RAE1: variants seen among roughly 807,000 people sequenced by gnomAD.
RAE1 encodes ribonucleic acid export 1.
RAE1 carries 13 observed loss-of-function variants against 52.7 expected under a neutral mutation model. That is an observed-to-expected ratio of 0.25 (90% confidence interval 0.16 to 0.39). The LOEUF is 0.39. Ranked by LOEUF, RAE1 falls within the 10% of genes least tolerant of loss-of-function variation. RAE1 has a pLI of 1.00. For missense variants in RAE1, 262 were observed against 459.8 expected (o/e 0.57, Z 3.93); for synonymous variants, 164 against 153.1 (o/e 1.07, Z -0.52).
At position 57,366,898 on chromosome 20, in the gene RAE1, A is replaced by G. The variant is rs1475536308; in HGVS notation, c.462+5A>G. On this transcript the variant is annotated splice_donor_5th_base_variant and intron_variant, in intron 6 of 11. Coordinates refer to ENST00000395841, the MANE Select transcript of RAE1 (RefSeq NM_003610.4). Reference sequence around the variant, plus strand: ...AGCTGGGATAAGACTTTAAAGGTATAATGTGCAGTTGAGGCATTGTTTGGC... The same window carrying G: ...AGCTGGGATAAGACTTTAAAGGTATGATGTGCAGTTGAGGCATTGTTTGGC... The G allele has an allele frequency of 6.2e-7, 1 of 1,606,944 alleles. No individual in the cohort carries two copies. The highest frequency in any genetic ancestry group is 8.5e-7 in the Non-Finnish European group (1 of 1,173,486).
intron 11 of RAE1, 166 bp downstream of exon 11, chr20:57,374,967 T>C (rs2067090471): frequency 3.8e-6 from 3 of 789,854 alleles, no homozygotes; most frequent in Non-Finnish European, 6.5e-6. Flanking sequence ...CCTCAAATGG[T>C]TGTGGGGATT....
chr20:57,369,860 A>G (rs1287939662), intron 8 of RAE1, among the ~76,000 whole-genome samples: 2 of 152,148 alleles, frequency 1.3e-5, no homozygotes, highest in Admixed American at 1.3e-4. Context: ...CTCCTGCCAG[A>G]TCTAGAAATC....
chr20:57,355,120 A>G (rs1348900330), intron 3 of RAE1, among the ~76,000 whole-genome samples: 1 of 152,240 alleles, frequency 6.6e-6, no homozygotes, highest in East Asian at 1.9e-4. Context: ...AGTGGCACAC[A>G]CCAACAAATT....
At chr20:57,356,682 G>A in intron 4 of RAE1, 144 bp downstream of exon 4, 1 of 783,328 alleles carries the variant, frequency 1.3e-6, no homozygotes, top group South Asian at 2.7e-5. Flanking sequence ...GTCATTTATT[G>A]ATGTTCTTAA....
rs562324267 is a variant in RAE1, at chr20:57,367,484, T to C, written c.534+405T>C. ...TCGGCCAGGCATGGTAGCTCACGCC[T>C]ATAATCCTAGCACTTTGGGAGGCAA... On this transcript the variant is annotated intron_variant, in intron 7 of 11. Coordinates refer to ENST00000395841, the MANE Select transcript of RAE1 (RefSeq NM_003610.4). Among the ~76,000 whole-genome samples the C allele has an allele frequency of 2.0e-5, 3 of 152,154 alleles. No homozygotes were observed. In the South Asian group the frequency reaches 6.2e-4, roughly 32 times the overall value.
chr20:57,359,143 A>G, intron 4 of RAE1: 1 of 701,506 alleles, frequency 1.4e-6, no homozygotes, highest in Non-Finnish European at 2.1e-6. Context: ...TGCCTCTAAT[A>G]CTGGTAATGC....
Position 57,354,099 on chromosome 20 carries a change from G to A in RAE1, c.61G>A (p.Ala21Thr). The part of the protein sequence containing the change: ...GTSGTSMFGS[A>T]TTDNHNPMKD... ...CAGTGGGACCAGCATGTTTGGCAGT[G>A]CAACTACAGACAATCACAATCCCAT... The change falls in exon 2 of 12, where the codon GCA becomes ACA. Residue 21 changes from alanine to threonine, a missense_variant. By Grantham distance (58) the Ala-to-Thr change is moderately conservative. Coordinates refer to ENST00000395841, the MANE Select transcript of RAE1 (RefSeq NM_003610.4). 3.7e-6 allele frequency: 6 copies of A among 1,614,046 alleles called. No homozygotes were observed. Among genetic ancestry groups the A allele is most frequent in the Non-Finnish European group, 5.1e-6 (6 of 1,179,922 alleles).
At position 57,373,758 on chromosome 20, in the gene RAE1, A is replaced by C. The variant is rs947691812; in HGVS notation, c.825+20A>C. ...TATGCGGTACGTTTTTAGACACTTT[A>C]ACCGTGGTAATACATCTGGAAACCA... On this transcript the variant is annotated intron_variant, in intron 10 of 11. Transcript: ENST00000395841. 11 of 1,604,252 alleles carry C rather than the reference A, an allele frequency of 6.9e-6. No individual in the cohort carries two copies. In the South Asian group the frequency reaches 1.1e-4, roughly 16 times the overall value.
intron 11 of RAE1, among the ~76,000 whole-genome samples, chr20:57,375,818 C>T (rs937034545): frequency 3.3e-5 from 5 of 152,220 alleles, no homozygotes; most frequent in South Asian, 2.1e-4. Context: ...GTCACTCACC[C>T]GTCCCTTCCT....
rs2067072885 is a variant in RAE1, at chr20:57,373,890, CTG to C, written c.825+155_825+156del. 2 of 878,156 alleles carry C rather than the reference CTG, an allele frequency of 2.3e-6. 1 individual carries two copies. The highest frequency in any genetic ancestry group is 4.8e-5 in the Admixed American group (2 of 41,510). 54.4% of individuals were successfully genotyped at this position (878,156 alleles called of 1,614,324 possible). ...GGCTTATGCTGTAGGCTTCAGGTTT[CTG>C]TGGATTTTTGTTGTTGTTTTTGAGA... is the stretch of plus-strand genomic sequence containing the variant. On this transcript the variant is annotated intron_variant, in intron 10 of 11. Coordinates refer to ENST00000395841, the MANE Select transcript of RAE1 (RefSeq NM_003610.4).
At chr20:57,361,228 G>A (rs2146145678) in intron 4 of RAE1, among the ~76,000 whole-genome samples, 1 of 152,300 alleles carries the variant, frequency 6.6e-6, no homozygotes, top group East Asian at 1.9e-4. Context: ...TAGGGTTATG[G>A]TGTACTGGGG....
At chr20:57,377,946 A>G in intron 11 of RAE1, 67 bp from the exon 12 acceptor site, 1 of 1,229,022 alleles carries the variant, frequency 8.1e-7, no homozygotes, top group East Asian at 2.4e-5. Context: ...TTCACCTAGA[A>G]AAAGCACCTA....
chr20:57,352,533 A>G (rs903898324), intron 1 of RAE1, among the ~76,000 whole-genome samples: 1 of 152,234 alleles, frequency 6.6e-6, no homozygotes, highest in African/African-American at 2.4e-5. Context: ...GAAGCTTCCC[A>G]GTGCTCAGCA....
chr20:57,362,955 A>G (rs2066909389), intron 4 of RAE1, among the ~76,000 whole-genome samples: 1 of 151,952 alleles, frequency 6.6e-6, no homozygotes, highest in Admixed American at 6.6e-5. Flanking sequence ...TAATTTTTGT[A>G]TTTTTAGTAG....
At chr20:57,369,379 G>A (rs760154083) in intron 8 of RAE1, among the ~76,000 whole-genome samples, 3 of 152,174 alleles carry the variant, frequency 2.0e-5, no homozygotes, top group Non-Finnish European at 4.4e-5. Context: ...TAGCACCCTC[G>A]GAGAGAACTG....
Position 57,378,325 on chromosome 20 carries a change from A to G in RAE1, c.*226A>G. On this transcript the variant is annotated 3_prime_UTR_variant, in exon 12 of 12. Coordinates refer to ENST00000395841, the MANE Select transcript of RAE1 (RefSeq NM_003610.4). ...AGTTTTTCTGTAACTAAGGGGGTTG[A>G]GGTTATTGTAGACGTTAGATTGCGG... The G allele has an allele frequency of 2.0e-6, 1 of 492,890 alleles. No individual in the cohort carries two copies. Among genetic ancestry groups the G allele is most frequent in the Non-Finnish European group, 3.6e-6 (1 of 274,884 alleles). The allele number at this position is 492,890 out of a possible 1,614,324, so 30.5% of individuals were successfully genotyped here.
rs1007206948 is a variant in RAE1 at position 57,366,755 on chromosome 20, C to T, written c.376-52C>T. 5 of 1,501,684 alleles carry T rather than the reference C, an allele frequency of 3.3e-6. No individual in the cohort carries two copies. The Admixed American group carries it at 6.8e-5, about 20-fold the overall frequency. 93.0% of individuals were successfully genotyped at this position (1,501,684 alleles called of 1,614,324 possible). On this transcript the variant is annotated intron_variant, in intron 5 of 11. Coordinates refer to ENST00000395841, the MANE Select transcript of RAE1 (RefSeq NM_003610.4). Reference sequence around the variant, plus strand: ...TTGAATTGCCACAACTAAAGCTGTTCAGCACATTCTTACATTTACCTTGAT... The same window carrying T: ...TTGAATTGCCACAACTAAAGCTGTTTAGCACATTCTTACATTTACCTTGAT...
chr20:57,353,290 CT>C (rs1340568472), intron 1 of RAE1, among the ~76,000 whole-genome samples: 2 of 152,154 alleles, frequency 1.3e-5, no homozygotes, highest in Non-Finnish European at 2.9e-5. Context: ...CAGAGCAGCC[CT>C]GGAGAATGTG....
intron 5 of RAE1, among the ~76,000 whole-genome samples, 199 bp from the exon 6 acceptor site, chr20:57,366,608 A>G (rs539246149): frequency 6.6e-6 from 1 of 152,188 alleles, no homozygotes; most frequent in Non-Finnish European, 1.5e-5. Flanking sequence ...TGGGGATTAC[A>G]TCTCAACATG....
Sources: gnomAD v4.1 joint callset for allele counts (sites outside exome capture counted in the v4.1 genomes callset) on GRCh38, gnomAD v4.1.1 for gene constraint, MANE v1.5 for transcripts, NCBI Gene and HGNC (gene_info 2026-07-23, HGNC 2026-07-21) for gene names.